Variants in NHSL1 observed in about 807,000 individuals in gnomAD.
NHSL1 encodes NHS like 1.
Under a neutral mutation model 95.0 loss-of-function variants are expected in NHSL1, and 48 were observed. The ratio of observed to expected loss-of-function variants is 0.51; its 90% confidence interval spans 0.40 to 0.64. NHSL1 has a LOEUF of 0.64. Among genes scored for constraint, NHSL1 ranks in the 30% least tolerant of loss-of-function variants. NHSL1 has a pLI of 0.00. For synonymous variants in NHSL1, 783 were observed against 833.9 expected, an observed-to-expected ratio of 0.94 and a Z score of 1.05; for missense variants, 1,971 against 2,077.7, an observed-to-expected ratio of 0.95 and a Z score of 1.00.
At chr6:138,520,066 T>G (rs926121926) in intron 1 of NHSL1, among the ~76,000 whole-genome samples, 1 of 152,106 alleles carries the variant, frequency 6.6e-6, no homozygotes, top group Admixed American at 6.5e-5. Flanking sequence ...CAAATCCAAT[T>G]GTTATGTGTT....
chr6:138,600,097 T>C (rs192155858), intron 1 of NHSL1, among the ~76,000 whole-genome samples: 14 of 151,838 alleles, frequency 9.2e-5, no homozygotes, highest in Middle Eastern at 3.4e-3. Context: ...TGAACCAAGA[T>C]TGCACCACTG....
intron 1 of NHSL1, among the ~76,000 whole-genome samples, chr6:138,690,384 A>G (rs1189256414): frequency 2.0e-5 from 3 of 152,100 alleles, no homozygotes; most frequent in Non-Finnish European, 2.9e-5. Flanking sequence ...TCTTCTCTAC[A>G]TGTACATTTA....
chr6:138,594,798 G>A (rs1784279687), intron 1 of NHSL1, among the ~76,000 whole-genome samples: 1 of 152,122 alleles, frequency 6.6e-6, no homozygotes, highest in African/African-American at 2.4e-5. Context: ...ACTCAAAAGT[G>A]GACTTTTTCT....
At chr6:138,487,249 T>G (rs371333341) in intron 2 of NHSL1, among the ~76,000 whole-genome samples, 7 of 152,156 alleles carry the variant, frequency 4.6e-5, no homozygotes, top group African/African-American at 1.7e-4. Flanking sequence ...TTATATTCTG[T>G]TAGTAATGGG....
intron 1 of NHSL1, among the ~76,000 whole-genome samples, chr6:138,520,280 CTTTTTTTTTTTTTTTT>C (rs397888767): frequency 2.5e-5 from 2 of 80,928 alleles, no homozygotes; most frequent in Admixed American, 3.3e-4. Flanking sequence ...TAGTTTAATT[CTTTTTTTTTTTTTTTT>C]TTTTTTTTTT....
chr6:138,575,989 A>G (rs1449735587), upstream of NHSL1, among the ~76,000 whole-genome samples: 1 of 150,498 alleles, frequency 6.6e-6, no homozygotes, highest in Non-Finnish European at 1.5e-5. Flanking sequence ...TTATTTATTT[A>G]TTTATTTATT....
At chr6:138,502,542 GCCTCCAGCAAT>G (rs1780743851), upstream of NHSL1, among the ~76,000 whole-genome samples, 1 of 151,970 alleles carries the variant, frequency 6.6e-6, no homozygotes, top group East Asian at 1.9e-4. Context: ...CAAACTCCTG[GCCTCCAGCAAT>G]CCTCCCACCT....
At chr6:138,686,716 C>T (rs543073777) in intron 1 of NHSL1, among the ~76,000 whole-genome samples, 2 of 152,212 alleles carry the variant, frequency 1.3e-5, no homozygotes, top group African/African-American at 4.8e-5. Flanking sequence ...TAGAAAATGG[C>T]AGAGGTGAAG....
At chr6:138,610,559 AT>A (rs201121516) in intron 1 of NHSL1, among the ~76,000 whole-genome samples, 18,516 of 91,316 alleles carry the variant, frequency 0.2, 1,705 homozygotes, top group African/African-American at 0.42. Context: ...ATATATATAT[AT>A]TATATATATA....
intron 1 of NHSL1, among the ~76,000 whole-genome samples, chr6:138,591,749 T>C (rs138974808): frequency 1.5e-3 from 230 of 152,280 alleles, no homozygotes; most frequent in African/African-American, 5.2e-3. Flanking sequence ...AAGTTTTCAA[T>C]TGAGCGCGGT....
At chr6:138,474,978 G>T (rs1402338063) in intron 2 of NHSL1, among the ~76,000 whole-genome samples, 1 of 152,024 alleles carries the variant, frequency 6.6e-6, no homozygotes, top group Non-Finnish European at 1.5e-5. Flanking sequence ...GAGAAACCCT[G>T]TCTCTACTAA....
intron 3 of NHSL1, among the ~76,000 whole-genome samples, chr6:138,463,896 T>A (rs866745031): frequency 2.6e-4 from 39 of 152,202 alleles, no homozygotes; most frequent in Admixed American, 1.4e-3. Flanking sequence ...ATTGTTTTAT[T>A]TACCTTCATA....
At chr6:138,438,351 C>T (rs1005345853) in intron 5 of NHSL1, among the ~76,000 whole-genome samples, 2 of 152,118 alleles carry the variant, frequency 1.3e-5, no homozygotes, top group African/African-American at 2.4e-5. Context: ...TTACACTGTA[C>T]ATTTTTTTTT....
intron 1 of NHSL1, among the ~76,000 whole-genome samples, chr6:138,517,794 C>A (rs1043718794): frequency 8.5e-5 from 13 of 152,204 alleles, no homozygotes; most frequent in African/African-American, 3.1e-4. Context: ...GATGCCTACA[C>A]TTGTGGAGCC....
rs116492538 is a variant in NHSL1 at position 138,556,274 on chromosome 6, T to C, written c.202+15436A>G. ...TAAAACTATCATCATCTCTGATATT[T>C]TACAACCAAAATAGAGAGTAACTAT... is the stretch of plus-strand genomic sequence containing the variant. On this transcript the variant is annotated intron_variant, in intron 1 of 6. Coordinates refer to the NHSL1 transcript ENST00000427025. 7.3e-3 allele frequency among the ~76,000 whole-genome samples: 1,115 copies of C among 152,250 alleles called. 20 individuals are homozygous for C. The highest frequency in any genetic ancestry group is 0.025 in the African/African-American group (1,057 of 41,546).
At chr6:138,593,466 C>A (rs1203856791) in intron 1 of NHSL1, among the ~76,000 whole-genome samples, 1 of 152,250 alleles carries the variant, frequency 6.6e-6, no homozygotes, top group Non-Finnish European at 1.5e-5. Flanking sequence ...AGAGAGAGTG[C>A]TGACGCACTT....
chr6:138,444,265 TTTAA>T (rs1776717558), intron 4 of NHSL1, among the ~76,000 whole-genome samples: 1 of 151,816 alleles, frequency 6.6e-6, no homozygotes, highest in Non-Finnish European at 1.5e-5. Context: ...ATTAAACTCT[TTTAA>T]ATTAAAAAAA....
Position 138,558,113 on chromosome 6 carries a change from C to T in NHSL1, c.202+13597G>A, listed in dbSNP as rs1445317388. On this transcript the variant is annotated intron_variant, in intron 1 of 6. Coordinates refer to the NHSL1 transcript ENST00000427025. ...TTAGAAAAGTATCTCTAACCAATTA[C>T]CAGGGTTTTTTGGGGGGCTTTTTTT... Among the ~76,000 whole-genome samples the T allele has an allele frequency of 2.0e-5, 3 of 151,946 alleles. No homozygotes were observed. In the East Asian group the frequency reaches 5.8e-4, roughly 29 times the overall value.
intron 1 of NHSL1, chr6:138,650,833 T>C (rs888353949): frequency 1.8e-6 from 1 of 541,178 alleles, no homozygotes; most frequent in Non-Finnish European, 3.8e-6. Context: ...TTCTTCATGC[T>C]ACCCAGGTCA....
Sources: allele counts gnomAD v4.1 joint callset (sites outside exome capture counted in the v4.1 genomes callset), GRCh38; gene constraint gnomAD v4.1.1; transcripts MANE v1.5; gene names NCBI Gene and HGNC (gene_info 2026-07-23, HGNC 2026-07-21).